Variants in PAK5 observed in about 807,000 individuals in gnomAD.
The protein encoded by PAK5 is p21 (RAC1) activated kinase 5.
In PAK5, 16 loss-of-function variants were observed where a neutral mutation model predicts 65.9. The ratio of observed to expected loss-of-function variants is 0.24; its 90% CI spans 0.16 to 0.37. PAK5 has a LOEUF of 0.37. Ranked by LOEUF, PAK5 falls within the 10% of genes least tolerant of loss-of-function variation. The pLI is 1.00. For synonymous variants in PAK5, 371 were observed against 354.9 expected (o/e 1.05, Z -0.51); for missense variants, 785 against 903.9 (o/e 0.87, Z 1.69).
At chr20:9,606,362 G>A (rs899268866) in intron 3 of PAK5, among the ~76,000 whole-genome samples, 20 of 152,262 alleles carry the variant, frequency 1.3e-4, no homozygotes, top group African/African-American at 4.3e-4. Context: ...TGTGCAGCCT[G>A]CAGAGGAGGT....
At chr20:9,670,203 G>C (rs1345529905) in intron 2 of PAK5, among the ~76,000 whole-genome samples, 1 of 152,062 alleles carries the variant, frequency 6.6e-6, no homozygotes, top group Non-Finnish European at 1.5e-5. Flanking sequence ...CCAAGTCTTT[G>C]CTATTGTGAA....
rs568617460 is a variant in PAK5, at chr20:9,787,700, C to T, written c.-162+51062G>A. On this transcript the variant is annotated intron_variant, in intron 1 of 9. Transcript: ENST00000353224. ...TGGTGTGCTGGTAAATGTTTAACTA[C>T]TGGCTTTCCAAAAAAAAATTCTTGA... Among the ~76,000 whole-genome samples, 6 of 150,988 alleles carry T rather than the reference C, an allele frequency of 4.0e-5. No individual in the cohort carries two copies. The East Asian group carries it at 7.8e-4, about 20-fold the overall frequency.
Position 9,814,128 on chromosome 20 carries a change from G to A in PAK5, c.-162+24634C>T, listed in dbSNP as rs1394589462. On this transcript the variant is annotated intron_variant, in intron 1 of 9. Coordinates refer to ENST00000353224, the MANE Select transcript of PAK5 (RefSeq NM_177990.4). ...AGTGCAATTGCAGTGGACTTCAACA[G>A]GATGGCCAGGCAGAGAATGGTATGA... is the stretch of plus-strand genomic sequence containing the variant. 8.8e-5 allele frequency among the ~76,000 whole-genome samples: 13 copies of A among 147,156 alleles called. No individual in the cohort carries two copies. In the Admixed American group the frequency reaches 8.8e-4, roughly 10 times the overall value.
At chr20:9,614,019 C>T (rs921135808) in intron 3 of PAK5, among the ~76,000 whole-genome samples, 3 of 152,222 alleles carry the variant, frequency 2.0e-5, no homozygotes, top group African/African-American at 7.2e-5. Flanking sequence ...GAACCAGACT[C>T]AGCTATGGCA....
At chr20:9,766,261 A>ACTTG (rs1246037673) in intron 1 of PAK5, among the ~76,000 whole-genome samples, 7 of 145,734 alleles carry the variant, frequency 4.8e-5, no homozygotes, top group Admixed American at 2.1e-4. Flanking sequence ...TATATGTTCT[A>ACTTG]ATTGAATATA....
intron 2 of PAK5, among the ~76,000 whole-genome samples, chr20:9,703,427 T>C (rs1332642379): frequency 6.6e-6 from 1 of 151,948 alleles, no homozygotes; most frequent in African/African-American, 2.4e-5. Flanking sequence ...GCTATTCCTT[T>C]TCTATGAGGA....
At chr20:9,829,324 C>T (rs748714154) in intron 1 of PAK5, among the ~76,000 whole-genome samples, 24 of 152,080 alleles carry the variant, frequency 1.6e-4, no homozygotes, top group Admixed American at 5.2e-4. Context: ...TTTAAATTAT[C>T]GGAGGTTCAA....
At chr20:9,641,541 C>T (rs2047061116) in intron 3 of PAK5, among the ~76,000 whole-genome samples, 2 of 151,322 alleles carry the variant, frequency 1.3e-5, no homozygotes, top group South Asian at 2.1e-4. Flanking sequence ...GTGGATCCCG[C>T]ACCGGGGCTG....
chr20:9,640,714 T>G (rs200936829), intron 3 of PAK5, among the ~76,000 whole-genome samples: 2 of 152,072 alleles, frequency 1.3e-5, no homozygotes, highest in Non-Finnish European at 2.9e-5. Context: ...CCTTCTGGTG[T>G]GTTCGTGGTC....
chr20:9,814,271 GTTATGAAA>G (rs1262471828), intron 1 of PAK5, among the ~76,000 whole-genome samples: 1 of 152,152 alleles, frequency 6.6e-6, no homozygotes, highest in African/African-American at 2.4e-5. Flanking sequence ...CATAGGAATT[GTTATGAAA>G]TTATGGGCAT....
At chr20:9,830,337 T>C (rs780668038) in intron 1 of PAK5, among the ~76,000 whole-genome samples, 3 of 152,254 alleles carry the variant, frequency 2.0e-5, no homozygotes, top group Non-Finnish European at 4.4e-5. Flanking sequence ...TTAAGTTACC[T>C]GGACAGCCAC....
rs769013127 is a variant in PAK5, at chr20:9,580,624, G to A, written c.511C>T (p.His171Tyr). ...RGSHAAKQNG[H>Y]VMKMKHGEAY... is the part of the protein sequence containing the mutation. Reference sequence around the variant, plus strand: ...TCCCCGTGCTTCATTTTCATTACGTGCCCATTTTGCTTGGCTGCGTGGCTG... The same window carrying A: ...TCCCCGTGCTTCATTTTCATTACGTACCCATTTTGCTTGGCTGCGTGGCTG... Residue 171 changes from histidine to tyrosine, a missense_variant, in exon 4 of 10, where the codon CAC becomes TAC. By Grantham distance (83) the His-to-Tyr change is moderately conservative. This residue lies in a region of PAK5 where 422 missense variants were observed against 413.3 expected (regional missense o/e 1.02). Transcript: ENST00000353224. 1 of 1,613,858 alleles carries A rather than the reference G, an allele frequency of 6.2e-7. No individual in the cohort carries two copies. Among genetic ancestry groups the A allele is most frequent in the Admixed American group, 1.7e-5 (1 of 59,982 alleles).
chr20:9,813,222 T>C (rs1036092054), intron 1 of PAK5, among the ~76,000 whole-genome samples: 30 of 151,576 alleles, frequency 2.0e-4, no homozygotes, highest in African/African-American at 7.3e-4. Flanking sequence ...GGACCTAGGG[T>C]AGGAGATATA....
At chr20:9,689,780 A>T (rs1479707083) in intron 2 of PAK5, among the ~76,000 whole-genome samples, 1 of 152,202 alleles carries the variant, frequency 6.6e-6, no homozygotes, top group Non-Finnish European at 1.5e-5. Context: ...AGAGTTTAAC[A>T]GCTAATCTCT....
At chr20:9,814,639 A>T (rs955877254) in intron 1 of PAK5, among the ~76,000 whole-genome samples, 3 of 152,206 alleles carry the variant, frequency 2.0e-5, no homozygotes, top group African/African-American at 7.2e-5. Context: ...CATAAAATAC[A>T]TACATAAAAA....
At chr20:9,742,745 T>C (rs1236008232) in intron 1 of PAK5, among the ~76,000 whole-genome samples, 1 of 152,174 alleles carries the variant, frequency 6.6e-6, no homozygotes, top group African/African-American at 2.4e-5. Context: ...GTTCCACCAA[T>C]ATCTGGGTAC....
chr20:9,665,085 G>GTTTTTTTTTGTTTTTTTTTTT (rs1555910637), intron 2 of PAK5, among the ~76,000 whole-genome samples: 1 of 98,920 alleles, frequency 1.0e-5, no homozygotes, highest in African/African-American at 4.1e-5. Context: ...AAATTTTTCT[G>GTTTTTTTTTGTTTTTTTTTTT]TTTTTTTTTT....
At chr20:9,539,981 T>G (rs1178665514) in intron 9 of PAK5, among the ~76,000 whole-genome samples, 1 of 152,226 alleles carries the variant, frequency 6.6e-6, no homozygotes, top group Admixed American at 6.5e-5. Context: ...CGTTTTATTT[T>G]TCTAACAACT....
chr20:9,822,139 A>C (rs1383165941), intron 1 of PAK5, among the ~76,000 whole-genome samples: 1 of 152,014 alleles, frequency 6.6e-6, no homozygotes, highest in African/African-American at 2.4e-5. Context: ...AATACAAAAA[A>C]TTAGCCAGGT....
Sources: allele counts gnomAD v4.1 joint callset (sites outside exome capture counted in the v4.1 genomes callset), GRCh38; gene constraint gnomAD v4.1.1; regional missense constraint gnomAD v4.1.1; transcripts MANE v1.5; gene names NCBI Gene and HGNC (gene_info 2026-07-23, HGNC 2026-07-21).